Variants in COX14 observed in about 807,000 individuals in gnomAD.
The protein encoded by COX14 is cytochrome c oxidase assembly protein COX14.
Under a neutral mutation model 5.8 loss-of-function variants are expected in COX14, and 3 were observed. The ratio of observed to expected loss-of-function variants is 0.51; its 90% CI spans 0.23 to 1.33. The LOEUF (loss-of-function observed/expected upper bound fraction) is 1.33. COX14 is among the 40% of genes most tolerant of loss of function. The pLI is 0.18. For synonymous variants in COX14, 25 were observed against 26.1 expected, an observed-to-expected ratio of 0.96 and a Z score of 0.13; for missense variants, 72 against 72.1, an observed-to-expected ratio of 1.00 and a Z score of 0.01.
intron 1 of COX14, among the ~76,000 whole-genome samples, chr12:50,117,694 C>T (rs529812241): frequency 1.3e-5 from 2 of 150,868 alleles, no homozygotes; most frequent in Non-Finnish European, 2.9e-5. Flanking sequence ...ATTCTCCTGT[C>T]TCAGCCTCCG....
chr12:50,118,991 T>A (rs996820613), intron 1 of COX14, among the ~76,000 whole-genome samples: 2 of 152,178 alleles, frequency 1.3e-5, no homozygotes, highest in African/African-American at 2.4e-5. Context: ...TAGCTTGGAA[T>A]ATCCAGGGAA....
At chr12:50,118,050 T>C (rs1186227632) in intron 1 of COX14, among the ~76,000 whole-genome samples, 289 of 14,354 alleles carry the variant, frequency 0.02, 1 homozygote, top group African/African-American at 0.055. Flanking sequence ...GCACCCCCCC[T>C]TTTTTTTTTT....
rs769247649 is a variant in COX14 at position 50,120,050 on chromosome 12, A to G, written c.7A>G (p.Thr3Ala). MPTGKQLADIGYK... is the reference protein window; with the variant it reads MPAGKQLADIGYK... Reference sequence around the variant, plus strand: ...TGTCTTTGTAGGGGACAAGATGCCAACTGGCAAGCAGCTAGCTGACATTGG... The same window carrying G: ...TGTCTTTGTAGGGGACAAGATGCCAGCTGGCAAGCAGCTAGCTGACATTGG... Residue 3 changes from threonine to alanine, a missense_variant, in exon 2 of 2, where the codon ACT becomes GCT. By Grantham distance (58) the Thr-to-Ala change is moderately conservative (BLOSUM62 0). Transcript: ENST00000550487. 9.3e-6 allele frequency: 15 copies of G among 1,613,858 alleles called. No individual in the cohort carries two copies. In the African/African-American group the frequency reaches 1.9e-4, roughly 20 times the overall value.
At chr12:50,112,546 G>T in intron 1 of COX14, 1 of 909,278 alleles carries the variant, frequency 1.1e-6, no homozygotes, top group Non-Finnish European at 1.3e-6. Context: ...CTCGACTCCT[G>T]CCTGGCGTCT....
At chr12:50,115,217 A>G (rs572391972) in intron 1 of COX14, among the ~76,000 whole-genome samples, 1 of 132,198 alleles carries the variant, frequency 7.6e-6, no homozygotes, top group Admixed American at 7.6e-5. Context: ...GAGCATCTTA[A>G]TTTTTTTTTT....
chr12:50,117,681 G>T (rs1436356354), intron 1 of COX14, among the ~76,000 whole-genome samples: 1 of 150,494 alleles, frequency 6.6e-6, no homozygotes, highest in Non-Finnish European at 1.5e-5. Flanking sequence ...TGGGATTCAA[G>T]CAATTCTCCT....
chr12:50,118,990 A>C (rs965303083), intron 1 of COX14, among the ~76,000 whole-genome samples: 7 of 152,150 alleles, frequency 4.6e-5, no homozygotes, highest in Non-Finnish European at 1.0e-4. Context: ...CTAGCTTGGA[A>C]TATCCAGGGA....
In COX14 at chr12:50,120,053, G is replaced by A. The variant is rs774542003; in HGVS notation, c.10G>A (p.Gly4Ser). The change falls in exon 2 of 2, where the codon GGC becomes AGC. Residue 4 changes from glycine to serine, a missense_variant. Transcript: ENST00000550487. Reference sequence around the variant, plus strand: ...CTTTGTAGGGGACAAGATGCCAACTGGCAAGCAGCTAGCTGACATTGGCTA... The same window carrying A: ...CTTTGTAGGGGACAAGATGCCAACTAGCAAGCAGCTAGCTGACATTGGCTA... MPT[G>S]KQLADIGYKT... 6.8e-6 allele frequency: 11 copies of A among 1,613,946 alleles called. No homozygotes were observed. In the African/African-American group the frequency reaches 1.5e-4, roughly 22 times the overall value.
intron 1 of COX14, among the ~76,000 whole-genome samples, chr12:50,118,728 C>T (rs1019610667): frequency 3.3e-5 from 5 of 152,218 alleles, no homozygotes; most frequent in Non-Finnish European, 5.9e-5. Flanking sequence ...GATCGTGCCA[C>T]TGCACTCCAG....
intron 1 of COX14, among the ~76,000 whole-genome samples, chr12:50,119,478 G>T (rs1951111077): frequency 6.6e-6 from 1 of 152,112 alleles, no homozygotes; most frequent in African/African-American, 2.4e-5. Context: ...GATCACTTGA[G>T]CCCAGGAGTT....
intron 1 of COX14, among the ~76,000 whole-genome samples, chr12:50,115,350 G>A (rs1951071569): frequency 1.3e-5 from 2 of 151,664 alleles, no homozygotes; most frequent in South Asian, 4.2e-4. Context: ...GAGTAGCTGG[G>A]ACTACAGGCA....
intron 1 of COX14, among the ~76,000 whole-genome samples, chr12:50,117,224 C>T (rs1437666395): frequency 1.3e-5 from 2 of 152,096 alleles, no homozygotes; most frequent in African/African-American, 4.8e-5. Flanking sequence ...CTATGTTGCC[C>T]AGGCTGGTCT....
intron 1 of COX14, among the ~76,000 whole-genome samples, chr12:50,118,726 C>G (rs1009135584): frequency 6.6e-6 from 1 of 152,190 alleles, no homozygotes; most frequent in Non-Finnish European, 1.5e-5. Flanking sequence ...GAGATCGTGC[C>G]ACTGCACTCC....
At chr12:50,118,721 C>T (rs563140671) in intron 1 of COX14, among the ~76,000 whole-genome samples, 4 of 152,272 alleles carry the variant, frequency 2.6e-5, no homozygotes, top group East Asian at 1.9e-4. Flanking sequence ...GAGCCGAGAT[C>T]GTGCCACTGC....
Position 50,120,140 on chromosome 12 carries a change from C to T in COX14, c.97C>T (p.Arg33Ter), listed in dbSNP as rs1233267388. Reference sequence around the variant, plus strand: ...GTATGGGGGGTACCTCTGCAGTGTCCGAGTCTACCACTATTTCCAGTGGCG... The same window carrying T: ...GTATGGGGGGTACCTCTGCAGTGTCTGAGTCTACCACTATTTCCAGTGGCG... Reference protein sequence around the residue: ...TVYGGYLCSVRVYHYFQWRRA... With the variant: ...TVYGGYLCSV The change falls in exon 2 of 2, where the codon CGA becomes TGA. Residue 33 changes from arginine (R) to a stop codon, truncating the protein, a stop_gained. Transcript: ENST00000550487. LOFTEE classifies it high-confidence loss of function. The T allele has an allele frequency of 9.3e-6, 15 of 1,613,976 alleles. No homozygotes were observed. Among genetic ancestry groups the T allele is most frequent in the Middle Eastern group, 1.6e-4 (1 of 6,084 alleles).
At chr12:50,114,331 C>T (rs972801992) in intron 1 of COX14, among the ~76,000 whole-genome samples, 2 of 150,512 alleles carry the variant, frequency 1.3e-5, no homozygotes, top group African/African-American at 4.9e-5. Context: ...CTCACCACAA[C>T]CTCCGCCTCC....
chr12:50,114,697 C>T (rs1174545728), intron 1 of COX14, among the ~76,000 whole-genome samples: 1 of 150,606 alleles, frequency 6.6e-6, no homozygotes, highest in Non-Finnish European at 1.5e-5. Flanking sequence ...CCCTTCTAAG[C>T]TGTATCTATC....
chr12:50,113,020 A>AG (rs939153376), intron 1 of COX14: 6 of 148,548 alleles, frequency 4.0e-5, no homozygotes, highest in African/African-American at 1.5e-4. Context: ...TTTTAAAAAA[A>AG]GGTTTTTTTT....
intron 1 of COX14, chr12:50,118,496 C>T (rs55639096): frequency 0.28 from 257,494 of 921,416 alleles, 37,343 homozygotes; most frequent in East Asian, 0.75. Context: ...TGGCCAGGCG[C>T]GGTGGCTCAC....
Sources: allele counts gnomAD v4.1 joint callset (sites outside exome capture counted in the v4.1 genomes callset), GRCh38; gene constraint gnomAD v4.1.1; transcripts MANE v1.5; gene names NCBI Gene and HGNC (gene_info 2026-07-23, HGNC 2026-07-21).